The following COL4A4 variants were observed in gnomAD, a reference collection of about 807,000 sequenced individuals.
COL4A4 encodes collagen type IV alpha 4 chain.
Under a neutral mutation model 192.9 loss-of-function variants are expected in COL4A4, and 105 were observed. That is an observed-to-expected ratio of 0.54 (90% CI 0.46 to 0.64). The LOEUF (loss-of-function observed/expected upper bound fraction) is 0.64. COL4A4 is among the 30% of genes least tolerant of loss of function. The pLI, the probability that COL4A4 is intolerant of heterozygous loss-of-function variation, is 0.00. For missense variants in COL4A4, 1,967 were observed against 2,169.3 expected (o/e 0.91, Z 1.85); for synonymous variants, 762 against 769.9 (o/e 0.99, Z 0.17).
chr2:227,136,622 C>G (rs573051305), intron 4 of COL4A4, among the ~76,000 whole-genome samples: 4 of 152,284 alleles, frequency 2.6e-5, no homozygotes, highest in South Asian at 4.1e-4. Context: ...ATCTCCACCT[C>G]TAACTCTAGC....
chr2:227,007,574 C>T lies in COL4A4; in HGVS notation c.4824G>A (p.Gly1608=), dbSNP rs1268249453. ...TAAGGGCCTGCCCTCCTCCTTGGTC[C>T]CCAGCTCCTGTGTGCTACCCAGAAA... ...GYSFLMHTGA[G]DQGGGQALMS... The change falls in exon 48 of 48, where the codon GGG becomes GGA. Residue 1608 remains glycine (G), a synonymous_variant. Transcript: ENST00000396625. 6.2e-7 allele frequency: 1 copy of T among 1,612,464 alleles called. No homozygotes were observed. The highest frequency in any genetic ancestry group is 1.3e-5 in the African/African-American group (1 of 74,856).
Position 227,042,231 on chromosome 2 carries a change from C to T in COL4A4, c.3422G>A (p.Arg1141Lys). The T allele has an allele frequency of 6.2e-7, 1 of 1,612,850 alleles. No homozygotes were observed. Among genetic ancestry groups the T allele is most frequent in the Middle Eastern group, 1.7e-4 (1 of 6,060 alleles). ...CPGDHGMPGL[R>K]GQPGEMGDPG... is the part of the protein sequence containing the mutation. Reference sequence around the variant, plus strand: ...GTCTCCCATTTCTCCTGGCTGTCCCCTCAGCCCAGGCATCCCGTGATCACC... The same window carrying T: ...GTCTCCCATTTCTCCTGGCTGTCCCTTCAGCCCAGGCATCCCGTGATCACC... Residue 1141 changes from arginine to lysine, a missense_variant, in exon 37 of 48, where the codon AGG (arginine) becomes AAG (lysine). By Grantham distance (26) the Arg-to-Lys change is conservative. Coordinates refer to ENST00000396625, the MANE Select transcript of COL4A4 (RefSeq NM_000092.5).
rs1383696338 is a variant in COL4A4 at position 227,101,032 on chromosome 2, T to C, written c.1029+472A>G. 2.6e-5 allele frequency among the ~76,000 whole-genome samples: 4 copies of C among 152,242 alleles called. No homozygotes were observed. In the South Asian group the frequency reaches 6.2e-4, roughly 24 times the overall value. ...ACTGTGTTAGCCAGGATGGTCTCGA[T>C]CTCCTGACCTCATGATCTGCCCGCC... On this transcript the variant is annotated intron_variant, in intron 17 of 47. Coordinates refer to ENST00000396625, the MANE Select transcript of COL4A4 (RefSeq NM_000092.5).
At chr2:227,087,792 A>G (rs2059683537) in intron 22 of COL4A4, among the ~76,000 whole-genome samples, 1 of 152,222 alleles carries the variant, frequency 6.6e-6, no homozygotes, top group Non-Finnish European at 1.5e-5. Context: ...TGTTTCATGT[A>G]GTCTAGAGTA....
intron 25 of COL4A4, among the ~76,000 whole-genome samples, chr2:227,063,250 A>T (rs757370658): frequency 7.2e-5 from 11 of 152,298 alleles, no homozygotes; most frequent in South Asian, 6.2e-4. Flanking sequence ...TTCTAGAGAG[A>T]TAGATATCAC....
intron 7 of COL4A4, among the ~76,000 whole-genome samples, chr2:227,115,570 C>A (rs989504428): frequency 2.0e-5 from 3 of 151,796 alleles, no homozygotes; most frequent in African/African-American, 7.3e-5. Context: ...CTGTGCCCGG[C>A]CCCTACTTCA....
intron 25 of COL4A4, among the ~76,000 whole-genome samples, chr2:227,070,172 C>T (rs1427102503): frequency 5.3e-5 from 8 of 152,066 alleles, no homozygotes; most frequent in African/African-American, 1.7e-4. Context: ...CAATGAGATA[C>T]CATCTCACAC....
chr2:226,990,096 AAG>A, the COL4A4 span, among the ~76,000 whole-genome samples: 1 of 152,218 alleles, frequency 6.6e-6, no homozygotes, highest in Non-Finnish European at 1.5e-5. Flanking sequence ...ACTATTTATA[AAG>A]AGAGAATATT....
chr2:227,109,380 C>CTA, intron 9 of COL4A4, 94 bp from the exon 10 acceptor site: 1 of 1,045,026 alleles, frequency 9.6e-7, no homozygotes, highest in South Asian at 1.3e-5. Flanking sequence ...ATAAAAACCT[C>CTA]TAAAGAAATC....
intron 4 of COL4A4, among the ~76,000 whole-genome samples, chr2:227,138,077 C>T (rs2125260643): frequency 6.6e-6 from 1 of 151,818 alleles, no homozygotes; most frequent in African/African-American, 2.4e-5. Flanking sequence ...GGGAGGATCA[C>T]TTGAAGCCAG....
chr2:227,095,605 T>A (rs1488309387), intron 19 of COL4A4, among the ~76,000 whole-genome samples: 1 of 152,116 alleles, frequency 6.6e-6, no homozygotes, highest in Non-Finnish European at 1.5e-5. Flanking sequence ...TAAAGATAGC[T>A]GAAAGCTGGC....
At chr2:227,042,382 C>A in intron 36 of COL4A4, 127 bp from the exon 37 acceptor site, 1 of 664,798 alleles carries the variant, frequency 1.5e-6, no homozygotes. Context: ...TCTTCCTATA[C>A]ATCTTAACTC....
chr2:227,070,152 A>G (rs2150385778), intron 25 of COL4A4, among the ~76,000 whole-genome samples: 1 of 152,354 alleles, frequency 6.6e-6, no homozygotes, highest in South Asian at 2.1e-4. Flanking sequence ...AGAAATGCAA[A>G]TCAAAACCAC....
chr2:227,018,015 C>A (rs1965271916), intron 44 of COL4A4, among the ~76,000 whole-genome samples: 1 of 152,072 alleles, frequency 6.6e-6, no homozygotes, highest in South Asian at 2.1e-4. Context: ...AGGAAGATAC[C>A]AACAACATCA....
At chr2:226,978,842 G>A in the COL4A4 span, among the ~76,000 whole-genome samples, 1 of 152,158 alleles carries the variant, frequency 6.6e-6, no homozygotes, top group East Asian at 1.9e-4. Context: ...TAGAGGACAT[G>A]AAGCAAGGAG....
chr2:227,116,636 T>C (rs2061505562), intron 7 of COL4A4, among the ~76,000 whole-genome samples: 1 of 152,204 alleles, frequency 6.6e-6, no homozygotes, highest in South Asian at 2.1e-4. Flanking sequence ...TAAGTGGAGT[T>C]ATAGAAGCAA....
At chr2:227,147,672 T>C (rs1387692850) in intron 1 of COL4A4, 88 bp from the exon 2 acceptor site, 2 of 555,986 alleles carry the variant, frequency 3.6e-6, no homozygotes, top group Non-Finnish European at 6.5e-6. Context: ...TATGGAAATA[T>C]TTTCTAAAGG....
intron 5 of COL4A4, 191 bp downstream of exon 5, chr2:227,120,823 C>T: frequency 1.6e-6 from 1 of 643,042 alleles, no homozygotes; most frequent in Non-Finnish European, 2.7e-6. Context: ...CCTGTAATCC[C>T]AGCTACTTGG....
intron 44 of COL4A4, among the ~76,000 whole-genome samples, chr2:227,013,843 A>T (rs1575744168): frequency 6.6e-6 from 1 of 152,150 alleles, no homozygotes; most frequent in Non-Finnish European, 1.5e-5. Context: ...ATGCCAGTCA[A>T]CCCAGGAATT....
Sources: gnomAD v4.1 joint callset for allele counts (sites outside exome capture counted in the v4.1 genomes callset) on GRCh38, gnomAD v4.1.1 for gene constraint, MANE v1.5 for transcripts, NCBI Gene and HGNC (gene_info 2026-07-23, HGNC 2026-07-21) for gene names.